The following BCAP29 variants were observed in gnomAD, a reference collection of about 807,000 sequenced individuals.
The protein encoded by BCAP29 is B-cell receptor-associated protein 29.
Under a neutral mutation model 31.8 loss-of-function variants are expected in BCAP29, and 34 were observed. That is an observed-to-expected ratio of 1.07 (90% confidence interval 0.81 to 1.42). BCAP29 has a LOEUF of 1.42. Among genes scored for constraint, BCAP29 ranks in the 40% most tolerant of loss-of-function variants. BCAP29 has a pLI of 0.00. For missense variants in BCAP29, 314 were observed against 269.2 expected (o/e 1.17, Z -1.16); for synonymous variants, 104 against 91.3 (o/e 1.14, Z -0.79).
Position 107,599,114 on chromosome 7 carries a change from A to G in BCAP29, c.481-1283A>G, listed in dbSNP as rs186644584. 5.9e-3 allele frequency among the ~76,000 whole-genome samples: 758 copies of G among 128,106 alleles called. 1 individual carries two copies. The highest frequency in any genetic ancestry group is 0.023 in the African/African-American group (714 of 31,586). The allele number at this position is 128,106 out of a possible 152,430, so 84.0% of individuals were successfully genotyped here. A position where few individuals can be genotyped will look rare whatever the true frequency, so the allele number is the denominator to read the frequency against. ...TATGTATATAAATATATATTTATAA[A>G]TATATAAATATATTAAAAATTTATA... On this transcript the variant is annotated intron_variant, in intron 5 of 7. Transcript: ENST00000005259.
chr7:107,588,573 G>C (rs1296221293), intron 3 of BCAP29, among the ~76,000 whole-genome samples: 1 of 152,162 alleles, frequency 6.6e-6, no homozygotes, highest in Non-Finnish European at 1.5e-5. Context: ...ACCAAAAGCA[G>C]GCAGAAACTA....
intron 2 of BCAP29, among the ~76,000 whole-genome samples, chr7:107,581,090 A>G (rs78348224): frequency 1.2e-4 from 19 of 152,166 alleles, no homozygotes; most frequent in Non-Finnish European, 2.4e-4. Flanking sequence ...AGGCGCCTAT[A>G]CTTTTGATTC....
intron 3 of BCAP29, among the ~76,000 whole-genome samples, chr7:107,592,965 T>G (rs1000554981): frequency 6.6e-6 from 1 of 152,230 alleles, no homozygotes; most frequent in Non-Finnish European, 1.5e-5. Flanking sequence ...GACCAAAATG[T>G]TCTGAAATTA....
chr7:107,600,559 G>A (rs901046558), intron 6 of BCAP29, 54 bp downstream of exon 6: 3 of 1,035,228 alleles, frequency 2.9e-6, no homozygotes, highest in African/African-American at 1.6e-5. Context: ...ATTTTATGCT[G>A]TACACTTCAC....
At chr7:107,588,965 A>T (rs545642439) in intron 3 of BCAP29, among the ~76,000 whole-genome samples, 15 of 152,204 alleles carry the variant, frequency 9.9e-5, no homozygotes, top group Non-Finnish European at 2.2e-4. Flanking sequence ...TTGGAGTATG[A>T]GCCTCATCAC....
At chr7:107,622,553 A>G (rs975537770), downstream of BCAP29, 4 of 152,204 alleles carry the variant, frequency 2.6e-5, no homozygotes, top group African/African-American at 7.3e-5. Flanking sequence ...TTCTTACCCT[A>G]TTTTATTTTC....
At chr7:107,602,118 C>T (rs1366066026) in intron 6 of BCAP29, among the ~76,000 whole-genome samples, 1 of 152,168 alleles carries the variant, frequency 6.6e-6, no homozygotes, top group African/African-American at 2.4e-5. Context: ...CTGATACCAG[C>T]TTCTGTGTTT....
In BCAP29 at chr7:107,613,321, A is replaced by T. The variant is rs533278126; in HGVS notation, c.590-11A>T. ...TCTGAAATAAAAATAAAACTATTCGATATTTTCTAGCCCTTTCTAAGGCAC... is the reference window on the plus strand; with the variant it reads ...TCTGAAATAAAAATAAAACTATTCGTTATTTTCTAGCCCTTTCTAAGGCAC... On this transcript the variant is annotated splice_polypyrimidine_tract_variant and intron_variant, in intron 6 of 7. Transcript: ENST00000005259. The T allele has an allele frequency of 1.3e-6, 2 of 1,569,054 alleles. No homozygotes were observed. The highest frequency in any genetic ancestry group is 1.7e-6 in the Non-Finnish European group (2 of 1,148,350).
intron 7 of BCAP29, among the ~76,000 whole-genome samples, chr7:107,614,875 T>C (rs1033758759): frequency 1.3e-5 from 2 of 152,206 alleles, no homozygotes; most frequent in Admixed American, 6.5e-5. Context: ...GCTGACCTCA[T>C]TGGGGCATGA....
chr7:107,622,575 T>TA (rs1036143917), downstream of BCAP29: 3 of 152,414 alleles, frequency 2.0e-5, no homozygotes, highest in African/African-American at 4.8e-5. Flanking sequence ...TCATAGCACT[T>TA]ACTACCATCT....
intron 6 of BCAP29, among the ~76,000 whole-genome samples, chr7:107,608,560 C>G (rs1016811626): frequency 6.6e-5 from 10 of 151,898 alleles, no homozygotes; most frequent in Non-Finnish European, 1.2e-4. Flanking sequence ...ATTTCCTGCC[C>G]CATTCTTAGA....
At chr7:107,610,594 T>C (rs1812939513) in intron 6 of BCAP29, among the ~76,000 whole-genome samples, 1 of 152,190 alleles carries the variant, frequency 6.6e-6, no homozygotes, top group African/African-American at 2.4e-5. Context: ...ATTGGAGTGA[T>C]AGTATTCATT....
At chr7:107,584,819 T>C (rs1807340588) in intron 3 of BCAP29, among the ~76,000 whole-genome samples, 1 of 152,216 alleles carries the variant, frequency 6.6e-6, no homozygotes, top group Admixed American at 6.5e-5. Context: ...GATAACAGCA[T>C]TGTTACATAG....
Position 107,601,076 on chromosome 7 carries a change from A to G in BCAP29, c.589+571A>G, listed in dbSNP as rs180712300. On this transcript the variant is annotated intron_variant, in intron 6 of 7. Transcript: ENST00000005259. ...ATCCCAACTCCATTTTCCTGAAGGCAGCAATTTCTTCTACATTAAAAAAAA... is the reference window on the plus strand; with the variant it reads ...ATCCCAACTCCATTTTCCTGAAGGCGGCAATTTCTTCTACATTAAAAAAAA... 3.3e-3 allele frequency among the ~76,000 whole-genome samples: 506 copies of G among 152,246 alleles called. 2 individuals carry two copies. Among genetic ancestry groups the G allele is most frequent in the Middle Eastern group, 0.014 (4 of 294 alleles).
chr7:107,607,622 T>A (rs1812341184), intron 6 of BCAP29, among the ~76,000 whole-genome samples: 1 of 151,362 alleles, frequency 6.6e-6, no homozygotes, highest in African/African-American at 2.4e-5. Flanking sequence ...AATTCCATGT[T>A]TTCTTTCTTT....
At chr7:107,590,338 T>C (rs1273098984) in intron 3 of BCAP29, among the ~76,000 whole-genome samples, 1 of 152,156 alleles carries the variant, frequency 6.6e-6, no homozygotes, top group Non-Finnish European at 1.5e-5. Flanking sequence ...GCTAGCATCA[T>C]ACTTAAATAT....
At chr7:107,599,044 A>G (rs1417457466) in intron 5 of BCAP29, among the ~76,000 whole-genome samples, 4 of 136,880 alleles carry the variant, frequency 2.9e-5, no homozygotes, top group Admixed American at 7.9e-5. Flanking sequence ...AAATTTGTAT[A>G]TATATAAAAT....
intron 7 of BCAP29, among the ~76,000 whole-genome samples, chr7:107,617,419 A>G (rs1814385921): frequency 6.6e-6 from 1 of 152,142 alleles, no homozygotes; most frequent in African/African-American, 2.4e-5. Context: ...AATATTAGAA[A>G]ACAGTCCCTT....
At chr7:107,580,571 C>G in intron 1 of BCAP29, 188 bp from the exon 2 acceptor site, 1 of 511,246 alleles carries the variant, frequency 2.0e-6, no homozygotes, top group Non-Finnish European at 3.4e-6. Context: ...CCACGACTCC[C>G]AGGGAGGTGG....
Sources: allele counts gnomAD v4.1 joint callset (sites outside exome capture counted in the v4.1 genomes callset), GRCh38; gene constraint gnomAD v4.1.1; transcripts MANE v1.5; gene names NCBI Gene and HGNC (gene_info 2026-07-23, HGNC 2026-07-21).